The following CIT variants were observed in gnomAD, a reference collection of about 807,000 sequenced individuals.
The protein encoded by CIT is citron rho-interacting serine/threonine kinase, also known as citron Rho-interacting kinase.
Under a neutral mutation model 272.7 loss-of-function variants are expected in CIT, and 79 were observed. The ratio of observed to expected loss-of-function variants is 0.29; its 90% CI spans 0.24 to 0.35. The LOEUF (loss-of-function observed/expected upper bound fraction) is 0.35. Among genes scored for constraint, CIT ranks in the 10% least tolerant of loss-of-function variants. The probability of loss-of-function intolerance (pLI) is 1.00; values close to 1 mark genes in which losing one functional copy is unlikely to be tolerated. For synonymous variants in CIT, 948 were observed against 995.6 expected (o/e 0.95, Z 0.90); for missense variants, 1,909 against 2,618.3 (o/e 0.73, Z 5.91).
At chr12:119,787,937 G>T (rs932583404) in intron 10 of CIT, among the ~76,000 whole-genome samples, 4 of 152,114 alleles carry the variant, frequency 2.6e-5, no homozygotes, top group African/African-American at 9.7e-5. Context: ...CACTGCAAGT[G>T]TTCGACAAAT....
intron 43 of CIT, among the ~76,000 whole-genome samples, chr12:119,701,383 A>C (rs1956563673): frequency 6.6e-6 from 1 of 152,168 alleles, no homozygotes; most frequent in South Asian, 2.1e-4. Context: ...AAGAAAGGCA[A>C]GGGATGGATG....
rs118075210 is a variant in CIT, at chr12:119,790,043, C to T, written c.1296-4978G>A. Among the ~76,000 whole-genome samples, 1,061 of 152,042 alleles carry T rather than the reference C, an allele frequency of 7.0e-3. 6 individuals carry two copies. Among genetic ancestry groups the T allele is most frequent in the Non-Finnish European group, 0.013 (862 of 68,002 alleles). Reference sequence around the variant, plus strand: ...TTCTTTTTCTAAGATTTTTATTAGCCATCCTTCTGACTTTCAAAGCAACAG... The same window carrying T: ...TTCTTTTTCTAAGATTTTTATTAGCTATCCTTCTGACTTTCAAAGCAACAG... On this transcript the variant is annotated intron_variant, in intron 10 of 47. Coordinates refer to ENST00000392521, the MANE Select transcript of CIT (RefSeq NM_001206999.2).
At chr12:119,752,001 T>C in intron 23 of CIT, 49 bp downstream of exon 23, 1 of 1,534,336 alleles carries the variant, frequency 6.5e-7, no homozygotes, top group Non-Finnish European at 8.9e-7. Flanking sequence ...TCCACACTCA[T>C]CCTAGCTGAG....
intron 28 of CIT, among the ~76,000 whole-genome samples, chr12:119,722,791 C>T (rs746739222): frequency 2.8e-4 from 42 of 152,242 alleles, no homozygotes; most frequent in Non-Finnish European, 4.4e-5. Context: ...TCCTCTCCAT[C>T]TCCTTTGTCC....
At chr12:119,797,517 G>A (rs1965831513) in intron 10 of CIT, among the ~76,000 whole-genome samples, 1 of 152,212 alleles carries the variant, frequency 6.6e-6, no homozygotes, top group Admixed American at 6.5e-5. Context: ...ACAACACAAG[G>A]CACTTGAGAG....
chr12:119,744,448 C>A (rs999450627), intron 23 of CIT, among the ~76,000 whole-genome samples: 48 of 150,596 alleles, frequency 3.2e-4, no homozygotes, highest in African/African-American at 1.1e-3. Flanking sequence ...GGAGGCCAGG[C>A]GCAGTGGCTC....
At position 119,757,163 on chromosome 12, in the gene CIT, G is replaced by GC. The variant is rs371745879; in HGVS notation, c.2706+207dup. Among the ~76,000 whole-genome samples, 615 of 150,240 alleles carry GC rather than the reference G, an allele frequency of 4.1e-3. 2 individuals are homozygous for GC. Among genetic ancestry groups the GC allele is most frequent in the African/African-American group, 0.014 (592 of 40,866 alleles). ...TTAGCACAAGGGCCTCAGATTCCCT[G>GC]CCATAAACCTTGGTGTTTTTCCTTG... On this transcript the variant is annotated intron_variant, in intron 22 of 47. Transcript: ENST00000392521.
chr12:119,732,408 G>C (rs1439775566), intron 26 of CIT, among the ~76,000 whole-genome samples: 1 of 152,000 alleles, frequency 6.6e-6, no homozygotes, highest in African/African-American at 2.4e-5. Context: ...AAAACAGCTA[G>C]GATAGGAGCT....
At position 119,728,680 on chromosome 12, in the gene CIT, C is replaced by G. The variant is rs1958267786; in HGVS notation, c.3487-74G>C. The G allele has an allele frequency of 2.0e-6, 2 of 994,886 alleles. No homozygotes were observed. The highest frequency in any genetic ancestry group is 2.1e-5 in the Admixed American group (1 of 46,830). 61.6% of individuals were successfully genotyped at this position (994,886 alleles called of 1,614,324 possible). On this transcript the variant is annotated intron_variant, in intron 27 of 47. Coordinates refer to ENST00000392521, the MANE Select transcript of CIT (RefSeq NM_001206999.2). The surrounding 1 kb of genome is among the most constrained non-coding windows in gnomAD (Gnocchi z 4.3). ...TGCTGACAACGTTTATGAATGTCCA[C>G]GAACCTTCACGGAGAAAGAATATTG...
chr12:119,807,051 A>C (rs965996896), intron 9 of CIT, among the ~76,000 whole-genome samples: 1 of 152,232 alleles, frequency 6.6e-6, no homozygotes, highest in Non-Finnish European at 1.5e-5. Flanking sequence ...ACACACTGGC[A>C]TTATCACCAC....
chr12:119,775,679 G>GAAACTAATTA lies in CIT; in HGVS notation c.1941+106_1941+107insTAATTAGTTT. The GAAACTAATTA allele has an allele frequency of 6.2e-6, 5 of 805,356 alleles. No homozygotes were observed. In the South Asian group the frequency reaches 7.9e-5, roughly 13 times the overall value. The allele number at this position is 805,356 out of a possible 1,614,324, so 49.9% of individuals were successfully genotyped here. A position where few individuals can be genotyped will look rare whatever the true frequency, so the allele number is the denominator to read the frequency against. On this transcript the variant is annotated intron_variant, in intron 16 of 47. Transcript: ENST00000392521. ...CTCCCCCTTCATTTTCCTCAGCGCT[G>GAAACTAATTA]GGTGACTAATTCTGTTTCTTTCATC...
In CIT at chr12:119,718,162, AC is replaced by A; in HGVS notation, c.4168+82del. 6.9e-7 allele frequency: 1 copy of A among 1,453,028 alleles called. No homozygotes were observed. The highest frequency in any genetic ancestry group is 1.4e-5 in the South Asian group (1 of 73,226). The allele number at this position is 1,453,028 out of a possible 1,614,324, so 90.0% of individuals were successfully genotyped here. On this transcript the variant is annotated intron_variant, in intron 32 of 47. Coordinates refer to ENST00000392521, the MANE Select transcript of CIT (RefSeq NM_001206999.2). The surrounding 1 kb of genome is among the most constrained non-coding windows in gnomAD (Gnocchi z 4.8). ...GCCAAGACTGACTTTTTAATCTTTA[AC>A]CCCTAGTATTACTTGTAATTTTTAC...
intron 5 of CIT, among the ~76,000 whole-genome samples, chr12:119,836,668 G>A (rs1969042415): frequency 6.6e-6 from 1 of 152,150 alleles, no homozygotes; most frequent in African/African-American, 2.4e-5. Flanking sequence ...ACACGCCACA[G>A]TTATAAATTT....
chr12:119,799,678 G>C (rs1966020138), intron 10 of CIT, among the ~76,000 whole-genome samples: 1 of 152,110 alleles, frequency 6.6e-6, no homozygotes. Flanking sequence ...TCTTCCAAAA[G>C]CATACAACCA....
Position 119,835,605 on chromosome 12 carries a change from T to TA in CIT, c.517-1378dup, listed in dbSNP as rs942081903. ...AAAGGCAAGATCTGAATATACTTCT[T>TA]AAAAAAAACACTAAATCTCACAAAC... On this transcript the variant is annotated intron_variant, in intron 5 of 47. Transcript: ENST00000392521. 7.9e-5 allele frequency among the ~76,000 whole-genome samples: 12 copies of TA among 152,048 alleles called. No individual in the cohort carries two copies. In the South Asian group the frequency reaches 8.3e-4, roughly 11 times the overall value.
chr12:119,850,457 A>AGGGAAG (rs1463583932), intron 4 of CIT, among the ~76,000 whole-genome samples, 182 bp from the exon 5 acceptor site: 148 of 147,032 alleles, frequency 1.0e-3, no homozygotes, highest in African/African-American at 3.5e-3. Context: ...AGGAAAGGGA[A>AGGGAAG]GGGAAGGGGA....
chr12:119,789,813 TC>T lies in CIT; in HGVS notation c.1296-4749del. Reference sequence around the variant, plus strand: ...CCTCCACCTCCCGGGTTCAAGCGATTCCCCTGACTCAGCTCCCGAGTAGCTG... The same window carrying T: ...CCTCCACCTCCCGGGTTCAAGCGATTCCCTGACTCAGCTCCCGAGTAGCTG... On this transcript the variant is annotated intron_variant, in intron 10 of 47. Coordinates refer to ENST00000392521, the MANE Select transcript of CIT (RefSeq NM_001206999.2). 1.3e-5 allele frequency among the ~76,000 whole-genome samples: 2 copies of T among 151,960 alleles called. 1 individual carries two copies. The highest frequency in any genetic ancestry group is 3.9e-4 in the East Asian group (2 of 5,178).
intron 27 of CIT, 100 bp downstream of exon 27, chr12:119,730,395 A>G: frequency 7.3e-7 from 1 of 1,363,770 alleles, no homozygotes; most frequent in Non-Finnish European, 9.8e-7. Flanking sequence ...TGTTTATGAA[A>G]TATGTTTGCC....
chr12:119,693,498 T>C (rs1422166820), intron 46 of CIT, among the ~76,000 whole-genome samples: 1 of 152,202 alleles, frequency 6.6e-6, no homozygotes, highest in Non-Finnish European at 1.5e-5. Flanking sequence ...TTTGAGAGAC[T>C]ATATAATCTC....
Sources: allele counts gnomAD v4.1 joint callset (sites outside exome capture counted in the v4.1 genomes callset), GRCh38; gene constraint gnomAD v4.1.1; non-coding constraint Gnocchi (gnomAD v3.1); transcripts MANE v1.5; gene names NCBI Gene and HGNC (gene_info 2026-07-23, HGNC 2026-07-21).